Variants in EPAS1 observed in about 807,000 individuals in gnomAD.
EPAS1 encodes endothelial PAS domain-containing protein 1.
Under a neutral mutation model 87.9 loss-of-function variants are expected in EPAS1, and 23 were observed. That is an observed-to-expected ratio of 0.26 (90% CI 0.19 to 0.37). EPAS1 has a LOEUF of 0.37. Ranked by LOEUF, EPAS1 falls within the 10% of genes least tolerant of loss-of-function variation. EPAS1 has a pLI of 1.00. For missense variants in EPAS1, 1,138 were observed against 1,120.7 expected (o/e 1.02, Z -0.22); for synonymous variants, 508 against 444.3 (o/e 1.14, Z -1.80).
intron 6 of EPAS1, among the ~76,000 whole-genome samples, chr2:46,361,575 G>C (rs1231720468): frequency 1.3e-5 from 2 of 152,180 alleles, no homozygotes; most frequent in East Asian, 3.9e-4. Flanking sequence ...CCAGTGTCCA[G>C]CCATTTTGAA....
intron 12 of EPAS1, chr2:46,381,082 C>G (rs1463097513): frequency 1.1e-5 from 4 of 367,104 alleles, no homozygotes; most frequent in African/African-American, 4.2e-5. Context: ...ATACCCCTGC[C>G]TCCCCTTGCC....
At chr2:46,304,226 A>G (rs923257370) in intron 1 of EPAS1, among the ~76,000 whole-genome samples, 3 of 152,196 alleles carry the variant, frequency 2.0e-5, no homozygotes, top group Non-Finnish European at 4.4e-5. Flanking sequence ...AGAACTTTAC[A>G]TGGATTAACT....
chr2:46,375,095 C>T lies in EPAS1; in HGVS notation c.887-595C>T, dbSNP rs1048380681. ...TTCAGTGGCCCAAAAGGTGGCAAGC[C>T]TGACAGATGACCTGGAGAAATCAAG... On this transcript the variant is annotated intron_variant, in intron 7 of 15. Transcript: ENST00000263734. This position sits in a 1 kb window ranked among gnomAD's most constrained non-coding sequence, Gnocchi z 4.1. Among the ~76,000 whole-genome samples, 1 of 149,360 alleles carries T rather than the reference C, an allele frequency of 6.7e-6. No individual in the cohort carries two copies. Among genetic ancestry groups the T allele is most frequent in the Non-Finnish European group, 1.5e-5 (1 of 67,420 alleles).
chr2:46,317,783 A>G (rs936217473), intron 1 of EPAS1, among the ~76,000 whole-genome samples: 12 of 152,240 alleles, frequency 7.9e-5, no homozygotes, highest in Non-Finnish European at 4.4e-5. Flanking sequence ...TCTTAGCTAG[A>G]TCTTCTAAAT....
chr2:46,344,367 T>A (rs572152940), intron 1 of EPAS1, among the ~76,000 whole-genome samples: 1 of 152,326 alleles, frequency 6.6e-6, no homozygotes, highest in South Asian at 2.1e-4. Context: ...CTGGGATTGC[T>A]TTTGCTTCAG....
rs1300207330 is a variant in EPAS1, at chr2:46,384,901, A to AT, written c.*248dup. ...CTGAAATGTTCTTAAATTTTGTAGG[A>AT]TTTTTTTCCTCCCCACCTTCAATGA... On this transcript the variant is annotated 3_prime_UTR_variant, in exon 16 of 16. Transcript: ENST00000263734. 2.1e-5 allele frequency: 12 copies of AT among 559,198 alleles called. No homozygotes were observed. The highest frequency in any genetic ancestry group is 8.2e-5 in the South Asian group (4 of 48,712). The allele number at this position is 559,198 out of a possible 1,614,324, so 34.6% of individuals were successfully genotyped here.
chr2:46,381,899 G>GT, intron 13 of EPAS1, 76 bp from the exon 14 acceptor site: 3 of 1,346,828 alleles, frequency 2.2e-6, no homozygotes, highest in Non-Finnish European at 3.1e-6. Context: ...CCTGTTCCAG[G>GT]CCCACCCAAC....
chr2:46,302,124 G>T (rs943791875), intron 1 of EPAS1, among the ~76,000 whole-genome samples: 2 of 142,664 alleles, frequency 1.4e-5, no homozygotes, highest in Non-Finnish European at 3.0e-5. Context: ...CTCTCTGTGT[G>T]TGTGTGTGTG....
At chr2:46,342,729 C>G (rs1360723229) in intron 1 of EPAS1, among the ~76,000 whole-genome samples, 3 of 152,206 alleles carry the variant, frequency 2.0e-5, no homozygotes, top group Admixed American at 6.5e-5. Flanking sequence ...GTAGCGATCC[C>G]TAAGCCATGC....
chr2:46,380,061 C>G lies in EPAS1; in HGVS notation c.1555-166C>G, dbSNP rs1440848625. On this transcript the variant is annotated intron_variant, in intron 11 of 15. Transcript: ENST00000263734. The surrounding 1 kb of genome is among the most constrained non-coding windows in gnomAD (Gnocchi z 4.4). ...ATACAAGGTCGTGTACATGACACAG[C>G]CAAGTCTGAGGTTTTCCTGATAGGC... 5.6e-6 allele frequency: 6 copies of G among 1,079,960 alleles called. No homozygotes were observed. The highest frequency in any genetic ancestry group is 5.6e-6 in the Non-Finnish European group (4 of 712,740). 66.9% of individuals were successfully genotyped at this position (1,079,960 alleles called of 1,614,324 possible). A position where few individuals can be genotyped will look rare whatever the true frequency, so the allele number is the denominator to read the frequency against.
intron 1 of EPAS1, among the ~76,000 whole-genome samples, chr2:46,314,030 A>C (rs373546370): frequency 6.6e-6 from 1 of 152,214 alleles, no homozygotes; most frequent in African/African-American, 2.4e-5. Context: ...CATTTTTGTC[A>C]TATAGATGAA....
At chr2:46,376,110 C>T (rs1367387278) in intron 8 of EPAS1, among the ~76,000 whole-genome samples, 1 of 151,952 alleles carries the variant, frequency 6.6e-6, no homozygotes, top group African/African-American at 2.4e-5. Context: ...AGGCAGATAG[C>T]ACACAATAGT....
intron 1 of EPAS1, among the ~76,000 whole-genome samples, chr2:46,308,354 C>G (rs1364252995): frequency 1.3e-5 from 2 of 151,134 alleles, no homozygotes; most frequent in African/African-American, 2.4e-5. Context: ...TCCTTGTTAT[C>G]TAATGACACT....
At chr2:46,345,134 T>C (rs965137252) in intron 1 of EPAS1, among the ~76,000 whole-genome samples, 4 of 152,212 alleles carry the variant, frequency 2.6e-5, no homozygotes, top group Non-Finnish European at 4.4e-5. Context: ...GCTGGATGCT[T>C]TTTTATTTTA....
At position 46,380,612 on chromosome 2, in the gene EPAS1, T is replaced by C; in HGVS notation, c.1940T>C (p.Phe647Ser). Residue 647 changes from phenylalanine (F) to serine (S), a missense_variant, in exon 12 of 16, where the codon TTT becomes TCT. Transcript: ENST00000263734. This position sits in a 1 kb window ranked among gnomAD's most constrained non-coding sequence, Gnocchi z 4.4. Reference protein sequence around the residue: ...TQWPPDPPLHFGPTKWAVGDQ... With the variant: ...TQWPPDPPLHSGPTKWAVGDQ... ...TGGCCCCCAGATCCACCATTACATTTTGGGCCCACAAAGTGGGCCGTCGGG... is the reference window on the plus strand; with the variant it reads ...TGGCCCCCAGATCCACCATTACATTCTGGGCCCACAAAGTGGGCCGTCGGG... 6.2e-7 allele frequency: 1 copy of C among 1,614,018 alleles called. No homozygotes were observed. Among genetic ancestry groups the C allele is most frequent in the African/African-American group, 1.3e-5 (1 of 75,004 alleles).
chr2:46,342,780 C>T (rs113135618), intron 1 of EPAS1, among the ~76,000 whole-genome samples: 3 of 152,182 alleles, frequency 2.0e-5, no homozygotes, highest in Non-Finnish European at 2.9e-5. Flanking sequence ...TTTAAGATAA[C>T]GAAGCTCTGG....
In EPAS1 at chr2:46,376,643, G is replaced by C. The variant is rs990197435; in HGVS notation, c.1139G>C (p.Gly380Ala). The change falls in exon 9 of 16, where the codon GGG becomes GCG. Residue 380 changes from glycine to alanine, a missense_variant. Physicochemically the swap from Gly to Ala is moderately conservative, Grantham distance 60. Coordinates refer to ENST00000263734, the MANE Select transcript of EPAS1 (RefSeq NM_001430.5). ...AGCATCTTTGATAGCAGTGGCAAGGGGGCTGTGTCTGAGAAGAGTAACTTC... is the reference window on the plus strand; with the variant it reads ...AGCATCTTTGATAGCAGTGGCAAGGCGGCTGTGTCTGAGAAGAGTAACTTC... ...MNSIFDSSGK[G>A]AVSEKSNFLF... The C allele has an allele frequency of 6.2e-7, 1 of 1,613,996 alleles. No individual in the cohort carries two copies. The highest frequency in any genetic ancestry group is 8.5e-7 in the Non-Finnish European group (1 of 1,180,038).
rs1684269142 is a variant in EPAS1, at chr2:46,356,216, T to G, written c.283T>G (p.Leu95Val). ...QQMDNLYLKA[L>V]EGFIAVVTQD... ...GATGGACAACTTGTACCTGAAAGCCTTGGAGGGTTTCATTGCCGTGGTGAC... is the reference window on the plus strand; with the variant it reads ...GATGGACAACTTGTACCTGAAAGCCGTGGAGGGTTTCATTGCCGTGGTGAC... The change falls in exon 3 of 16, where the codon TTG becomes GTG. Residue 95 changes from leucine (L) to valine (V), a missense_variant. Around this residue, in one of 4 missense-constraint regions of EPAS1, gnomAD observed 351 missense variants for 417.1 expected, o/e 0.84. Transcript: ENST00000263734. The G allele has an allele frequency of 1.3e-6, 2 of 1,597,312 alleles. No individual in the cohort carries two copies. The highest frequency in any genetic ancestry group is 4.5e-5 in the East Asian group (2 of 44,388).
Position 46,347,194 on chromosome 2 carries a change from A to G in EPAS1, c.217+131A>G. ...CAGAACTTTCACCCACAGAAACACC[A>G]TCATGAGTGATTTATTCCTTCATGT... On this transcript the variant is annotated intron_variant, in intron 2 of 15. Transcript: ENST00000263734. This position sits in a 1 kb window ranked among gnomAD's most constrained non-coding sequence, Gnocchi z 4.2. 4.3e-6 allele frequency: 4 copies of G among 929,564 alleles called. No homozygotes were observed. The highest frequency in any genetic ancestry group is 6.9e-6 in the Non-Finnish European group (4 of 577,384). The allele number at this position is 929,564 out of a possible 1,614,324, so 57.6% of individuals were successfully genotyped here. A position where few individuals can be genotyped will look rare whatever the true frequency, so the allele number is the denominator to read the frequency against.
Sources: gnomAD v4.1 joint callset for allele counts (sites outside exome capture counted in the v4.1 genomes callset) on GRCh38, gnomAD v4.1.1 for gene constraint, gnomAD v4.1.1 regional missense constraint, Gnocchi (gnomAD v3.1) non-coding constraint, MANE v1.5 for transcripts, NCBI Gene and HGNC (gene_info 2026-07-23, HGNC 2026-07-21) for gene names.